Variants in NRXN3 observed in about 807,000 individuals in gnomAD.
NRXN3 encodes the protein neurexin 3.
A neutral mutation model predicts 137.6 loss-of-function variants in NRXN3; 32 were observed. The ratio of observed to expected loss-of-function variants is 0.23; its 90% CI spans 0.18 to 0.31. The LOEUF (loss-of-function observed/expected upper bound fraction) is 0.31. Among genes scored for constraint, NRXN3 ranks in the 10% least tolerant of loss-of-function variants. The pLI is 1.00. For synonymous variants in NRXN3, 798 were observed against 784.5 expected (o/e 1.02, Z -0.29); for missense variants, 1,574 against 2,062.5 (o/e 0.76, Z 4.59).
At chr14:79,828,061 C>T (rs1472968576) in intron 20 of NRXN3, among the ~76,000 whole-genome samples, 1 of 152,122 alleles carries the variant, frequency 6.6e-6, no homozygotes, top group Non-Finnish European at 1.5e-5. Flanking sequence ...AAGAGATCCA[C>T]CTTCATGACC....
intron 4 of NRXN3, among the ~76,000 whole-genome samples, chr14:78,334,098 A>G (rs1441866816): frequency 6.6e-6 from 1 of 152,178 alleles, no homozygotes; most frequent in African/African-American, 2.4e-5. Context: ...TTTCAGCAAG[A>G]TGGGGAAGAC....
chr14:78,298,898 C>A (rs910328867), intron 4 of NRXN3, among the ~76,000 whole-genome samples: 1 of 152,188 alleles, frequency 6.6e-6, no homozygotes, highest in African/African-American at 2.4e-5. Context: ...CTCCCCTGCT[C>A]CCTGACATTG....
chr14:79,132,817 A>G (rs916962185), intron 15 of NRXN3, among the ~76,000 whole-genome samples: 8 of 152,262 alleles, frequency 5.3e-5, no homozygotes, highest in Non-Finnish European at 8.8e-5. Context: ...AGGATTGAGC[A>G]GAGAGAAGTT....
chr14:78,449,784 C>G (rs960111924), intron 4 of NRXN3, among the ~76,000 whole-genome samples: 1 of 152,164 alleles, frequency 6.6e-6, no homozygotes, highest in African/African-American at 2.4e-5. Flanking sequence ...TACTCTTCTT[C>G]TCACTATGGA....
intron 15 of NRXN3, among the ~76,000 whole-genome samples, chr14:79,464,985 C>A (rs889697186): frequency 8.6e-5 from 13 of 152,018 alleles, no homozygotes; most frequent in South Asian, 2.1e-4. Flanking sequence ...AAAATTATTT[C>A]CTGATAGAGT....
At chr14:79,196,660 T>G (rs1301499596) in intron 15 of NRXN3, among the ~76,000 whole-genome samples, 1 of 152,066 alleles carries the variant, frequency 6.6e-6, no homozygotes, top group African/African-American at 2.4e-5. Flanking sequence ...GATATAGATA[T>G]AGATTTTTTT....
chr14:79,840,958 G>T (rs983341158), intron 20 of NRXN3, among the ~76,000 whole-genome samples: 1 of 151,982 alleles, frequency 6.6e-6, no homozygotes, highest in African/African-American at 2.4e-5. Context: ...TGAGCTTTTG[G>T]AATGACTGGA....
intron 15 of NRXN3, among the ~76,000 whole-genome samples, chr14:79,072,870 T>TTC (rs762275221): frequency 2.2e-4 from 33 of 149,560 alleles, no homozygotes; most frequent in Middle Eastern, 3.5e-3. Context: ...GGTATGTGTT[T>TTC]TCTCTCTCTC....
intron 4 of NRXN3, among the ~76,000 whole-genome samples, chr14:78,514,392 G>A (rs578246005): frequency 1.4e-4 from 21 of 152,216 alleles, no homozygotes; most frequent in Admixed American, 3.9e-4. Flanking sequence ...ATAGCCAAGC[G>A]ATCAGAGGCA....
chr14:78,443,492 A>G (rs1282964504), intron 4 of NRXN3, among the ~76,000 whole-genome samples: 3 of 152,178 alleles, frequency 2.0e-5, no homozygotes, highest in African/African-American at 4.8e-5. Context: ...GGGAGAATCA[A>G]TATATCTAGT....
At chr14:79,792,665 C>G (rs557690151) in intron 19 of NRXN3, among the ~76,000 whole-genome samples, 1 of 152,118 alleles carries the variant, frequency 6.6e-6, no homozygotes, top group African/African-American at 2.4e-5. Flanking sequence ...TTTAAAGATG[C>G]CACTGACTCA....
rs74389070 is a variant in NRXN3, at chr14:79,467,646, A to C, written c.3444+244A>C. On this transcript the variant is annotated intron_variant, in intron 16 of 20. Transcript: ENST00000335750. ...TTCATTCTTTGCAGGCTCCCTTCCC[A>C]ACTGTGTGGCTTGGCCTGTGGCAGA... is the stretch of plus-strand genomic sequence containing the variant. Among the ~76,000 whole-genome samples, 1,329 of 152,298 alleles carry C rather than the reference A, an allele frequency of 8.7e-3. 7 individuals are homozygous for C. The highest frequency in any genetic ancestry group is 0.014 in the Non-Finnish European group (943 of 68,028).
intron 8 of NRXN3, among the ~76,000 whole-genome samples, chr14:78,755,987 T>A (rs1268438270): frequency 6.6e-6 from 1 of 152,196 alleles, no homozygotes; most frequent in East Asian, 1.9e-4. Context: ...ATAGATTATG[T>A]ATTTACATGA....
intron 19 of NRXN3, among the ~76,000 whole-genome samples, chr14:79,732,325 A>T (rs2154072745): frequency 6.6e-6 from 1 of 152,264 alleles, no homozygotes; most frequent in Middle Eastern, 3.4e-3. Flanking sequence ...CCTAAGTTTG[A>T]TACGGTAACT....
intron 15 of NRXN3, among the ~76,000 whole-genome samples, chr14:79,152,364 A>C (rs1224696538): frequency 6.6e-6 from 1 of 152,050 alleles, no homozygotes; most frequent in East Asian, 1.9e-4. Context: ...GGAGTTCATC[A>C]AAGTGGATTT....
chr14:79,199,302 AT>A (rs1279303710), intron 15 of NRXN3, among the ~76,000 whole-genome samples: 1 of 147,934 alleles, frequency 6.8e-6, no homozygotes, highest in Non-Finnish European at 1.5e-5. Context: ...GTGCCTTTCC[AT>A]TTTTTATATC....
intron 16 of NRXN3, among the ~76,000 whole-genome samples, chr14:79,530,202 A>G (rs1486567812): frequency 1.3e-5 from 2 of 152,092 alleles, no homozygotes; most frequent in South Asian, 2.1e-4. Context: ...ACCTATAATC[A>G]TGTGCTGGGA....
At chr14:78,783,304 A>G (rs1054230666) in intron 8 of NRXN3, among the ~76,000 whole-genome samples, 1 of 152,144 alleles carries the variant, frequency 6.6e-6, no homozygotes, top group Non-Finnish European at 1.5e-5. Flanking sequence ...TCCAATCCTG[A>G]AAAAACACTG....
Position 78,262,097 on chromosome 14 carries a change from T to A in NRXN3, c.710-16548T>A, listed in dbSNP as rs1246256916. Among the ~76,000 whole-genome samples, 24 of 152,058 alleles carry A rather than the reference T, an allele frequency of 1.6e-4. 1 individual carries two copies. Among genetic ancestry groups the A allele is most frequent in the Admixed American group, 1.6e-3 (24 of 15,262 alleles). ...TTTCTGAGGAGGTGACATCCAAAGA[T>A]GAGAAGGAGCAGGGGAGAAAGCCAG... On this transcript the variant is annotated intron_variant, in intron 2 of 20. Coordinates refer to ENST00000335750, the MANE Select transcript of NRXN3 (RefSeq NM_001330195.2).
Sources: allele counts gnomAD v4.1 joint callset (sites outside exome capture counted in the v4.1 genomes callset), GRCh38; gene constraint gnomAD v4.1.1; transcripts MANE v1.5; gene names NCBI Gene and HGNC (gene_info 2026-07-23, HGNC 2026-07-21).